Variants in SNX25 observed in about 807,000 individuals in gnomAD.
The protein encoded by SNX25 is sorting nexin-25.
Under a neutral mutation model 113.7 loss-of-function variants are expected in SNX25, and 62 were observed. That is an observed-to-expected ratio of 0.55 (90% CI 0.44 to 0.67). The LOEUF is 0.67. SNX25 is among the 30% of genes least tolerant of loss of function. The probability of loss-of-function intolerance (pLI) is 0.00; values close to 1 mark genes in which losing one functional copy is unlikely to be tolerated. For synonymous variants in SNX25, 421 were observed against 436.2 expected (o/e 0.97, Z 0.43); for missense variants, 1,014 against 1,161.0 (o/e 0.87, Z 1.84).
chr4:185,254,460 C>CTCTGAATCGCATT (rs1185532905), intron 2 of SNX25, among the ~76,000 whole-genome samples: 1 of 152,156 alleles, frequency 6.6e-6, no homozygotes, highest in African/African-American at 2.4e-5. Context: ...GGACATGTAT[C>CTCTGAATCGCATT]TCTGAATCGC....
chr4:185,309,013 C>T (rs1396748299), intron 6 of SNX25, among the ~76,000 whole-genome samples: 1 of 152,190 alleles, frequency 6.6e-6, no homozygotes, highest in African/African-American at 2.4e-5. Flanking sequence ...GCAATCTGGG[C>T]AGGGTTTGGA....
Position 185,351,620 on chromosome 4 carries a change from G to GA in SNX25, c.2466+14dup. On this transcript the variant is annotated intron_variant, in intron 14 of 18. Coordinates refer to ENST00000652585, the MANE Select transcript of SNX25 (RefSeq NM_001378034.2). The stretch of plus-strand genomic sequence containing the variant: ...TTCTCCCACCAGGAGGTGAGCCGTT[G>GA]AAAGAGTGAACCACTTTTGTAGTGT... 1.2e-6 allele frequency: 2 copies of GA among 1,612,136 alleles called. No homozygotes were observed. Among genetic ancestry groups the GA allele is most frequent in the Non-Finnish European group, 8.5e-7 (1 of 1,179,202 alleles).
intron 5 of SNX25, among the ~76,000 whole-genome samples, chr4:185,271,942 A>C (rs1384287333): frequency 1.3e-5 from 2 of 152,206 alleles, no homozygotes; most frequent in African/African-American, 2.4e-5. Context: ...AAATATACTA[A>C]ATTAGTGGTT....
At chr4:185,214,829 G>C (rs1738517323) in intron 1 of SNX25, among the ~76,000 whole-genome samples, 2 of 152,204 alleles carry the variant, frequency 1.3e-5, no homozygotes, top group South Asian at 4.1e-4. Flanking sequence ...TCAACAGATG[G>C]ATTTTTATAA....
chr4:185,265,762 G>T (rs1747991831), intron 4 of SNX25, among the ~76,000 whole-genome samples: 1 of 151,686 alleles, frequency 6.6e-6, no homozygotes, highest in Non-Finnish European at 1.5e-5. Flanking sequence ...GTACATAATT[G>T]TATGTGCTGT....
chr4:185,205,148 C>T (rs1737130844), upstream of SNX25, among the ~76,000 whole-genome samples: 1 of 152,222 alleles, frequency 6.6e-6, no homozygotes, highest in African/African-American at 2.4e-5. Context: ...AATCAATTCT[C>T]TTTTTGTTGC....
At chr4:185,311,161 A>G (rs1487541793) in intron 7 of SNX25, among the ~76,000 whole-genome samples, 1 of 152,232 alleles carries the variant, frequency 6.6e-6, no homozygotes, top group African/African-American at 2.4e-5. Flanking sequence ...ATAACCACCT[A>G]TGAAGTAGGA....
At chr4:185,336,834 AT>A (rs917530208) in intron 10 of SNX25, among the ~76,000 whole-genome samples, 32 of 151,736 alleles carry the variant, frequency 2.1e-4, no homozygotes, top group Admixed American at 2.1e-3. Context: ...CTATCTTTTT[AT>A]TTTTTTATCA....
chr4:185,375,136 CAG>C (rs1180675912), downstream of SNX25, among the ~76,000 whole-genome samples: 4 of 151,690 alleles, frequency 2.6e-5, no homozygotes, highest in African/African-American at 4.8e-5. Flanking sequence ...TTGTTTGAGA[CAG>C]AGTCTTGCTC....
intron 9 of SNX25, among the ~76,000 whole-genome samples, chr4:185,329,663 G>T (rs896008505): frequency 3.3e-5 from 5 of 151,598 alleles, no homozygotes; most frequent in African/African-American, 1.2e-4. Context: ...GATTGGAGCC[G>T]CATGAGGAAG....
chr4:185,322,252 G>A (rs2095125968), intron 8 of SNX25, among the ~76,000 whole-genome samples: 1 of 152,188 alleles, frequency 6.6e-6, no homozygotes, highest in Non-Finnish European at 1.5e-5. Context: ...CCGACATGGT[G>A]AAACCCTGTC....
chr4:185,204,376 C>T (rs1472879477), exon 1 of SNX25: 1 of 152,220 alleles, frequency 6.6e-6, no homozygotes, highest in Non-Finnish European at 1.5e-5. Context: ...GTGATATTTT[C>T]TATCAGCAAA....
At chr4:185,354,041 CAAA>C (rs138207766) in intron 15 of SNX25, among the ~76,000 whole-genome samples, 4 of 84,516 alleles carry the variant, frequency 4.7e-5, no homozygotes. Flanking sequence ...GACTCCGTCT[CAAA>C]AAAAAAAAAA....
intron 13 of SNX25, 91 bp from the exon 14 acceptor site, chr4:185,351,354 T>G: frequency 7.3e-7 from 1 of 1,368,358 alleles, no homozygotes; most frequent in Non-Finnish European, 1.0e-6. Flanking sequence ...AGTAAATTCG[T>G]GACAGCTCTG....
chr4:185,332,838 G>C, intron 10 of SNX25, 79 bp downstream of exon 10: 1 of 1,389,896 alleles, frequency 7.2e-7, no homozygotes, highest in Non-Finnish European at 9.8e-7. Context: ...GTTGAGAAGT[G>C]TCAGTTTCTT....
intron 13 of SNX25, 103 bp downstream of exon 13, chr4:185,346,753 GC>G: frequency 1.4e-6 from 1 of 714,168 alleles, no homozygotes; most frequent in Non-Finnish European, 2.3e-6. Flanking sequence ...GTTCTCACAA[GC>G]CATGCTAGAT....
intron 11 of SNX25, 127 bp from the exon 12 acceptor site, chr4:185,341,849 C>A: frequency 1.1e-6 from 1 of 891,432 alleles, no homozygotes; most frequent in Non-Finnish European, 1.6e-6. Context: ...ATAATATTCA[C>A]AGTTCCAGGG....
intron 5 of SNX25, among the ~76,000 whole-genome samples, chr4:185,281,413 C>G (rs996640233): frequency 6.6e-6 from 1 of 152,154 alleles, no homozygotes; most frequent in East Asian, 1.9e-4. Flanking sequence ...AAAAATTACT[C>G]TTATTACTCT....
intron 2 of SNX25, among the ~76,000 whole-genome samples, chr4:185,251,225 C>A (rs1266306541): frequency 2.0e-5 from 3 of 152,152 alleles, no homozygotes; most frequent in Non-Finnish European, 4.4e-5. Context: ...TAACTCCTGA[C>A]CTCAAGTGAT....
Sources: gnomAD v4.1 joint callset for allele counts (sites outside exome capture counted in the v4.1 genomes callset) on GRCh38, gnomAD v4.1.1 for gene constraint, MANE v1.5 for transcripts, NCBI Gene and HGNC (gene_info 2026-07-23, HGNC 2026-07-21) for gene names.